The following ROBO2 variants were observed in gnomAD, a reference collection of about 807,000 sequenced individuals.
ROBO2 encodes the protein roundabout homolog 2.
ROBO2 carries 53 observed loss-of-function variants against 160.8 expected under a neutral mutation model. The ratio of observed to expected loss-of-function variants is 0.33; its 90% confidence interval spans 0.26 to 0.41. The LOEUF (loss-of-function observed/expected upper bound fraction) is 0.41. Ranked by LOEUF, ROBO2 falls within the 10% of genes least tolerant of loss-of-function variation. The pLI, the probability that ROBO2 is intolerant of heterozygous loss-of-function variation, is 1.00. For missense variants in ROBO2, 1,577 were observed against 1,722.4 expected (o/e 0.92, Z 1.49); for synonymous variants, 664 against 611.7 (o/e 1.09, Z -1.26).
intron 2 of ROBO2, among the ~76,000 whole-genome samples, chr3:77,285,742 A>G (rs369041316): frequency 1.2e-4 from 18 of 152,282 alleles, no homozygotes; most frequent in African/African-American, 4.3e-4. Context: ...CTTTTCCTAA[A>G]CTATGCACAT....
At chr3:76,758,569 A>G (rs748382868) in intron 2 of ROBO2, among the ~76,000 whole-genome samples, 18 of 151,818 alleles carry the variant, frequency 1.2e-4, no homozygotes, top group Non-Finnish European at 1.9e-4. Context: ...AAATTTCCCA[A>G]GGAGCTGAAA....
intron 1 of ROBO2, among the ~76,000 whole-genome samples, chr3:77,043,115 C>T (rs181174689): frequency 6.6e-6 from 1 of 152,304 alleles, no homozygotes; most frequent in Admixed American, 6.5e-5. Context: ...GAGAACACTG[C>T]CCTCTAGGCT....
chr3:77,269,943 A>G (rs1365481774), intron 2 of ROBO2, among the ~76,000 whole-genome samples: 3 of 152,202 alleles, frequency 2.0e-5, no homozygotes, highest in African/African-American at 7.2e-5. Flanking sequence ...AAAGCCCTCT[A>G]ATTAAAATAG....
At chr3:76,272,811 A>AAAATAT (rs1184787771) in intron 2 of ROBO2, among the ~76,000 whole-genome samples, 3 of 9,650 alleles carry the variant, frequency 3.1e-4, no homozygotes, top group Non-Finnish European at 6.1e-4. Flanking sequence ...TAAAATATAT[A>AAAATAT]ATATGTATTT....
chr3:76,509,051 T>C (rs1376312806), intron 2 of ROBO2, among the ~76,000 whole-genome samples: 2 of 152,192 alleles, frequency 1.3e-5, no homozygotes, highest in Non-Finnish European at 2.9e-5. Context: ...ATATAGTGAA[T>C]TGGGTTTGGG....
intron 2 of ROBO2, among the ~76,000 whole-genome samples, chr3:76,510,061 A>C (rs1262251605): frequency 6.6e-6 from 1 of 152,172 alleles, no homozygotes; most frequent in Non-Finnish European, 1.5e-5. Flanking sequence ...AAAGGGTAAT[A>C]AAATGGCACA....
At chr3:77,395,235 C>A (rs1489683093) in intron 2 of ROBO2, among the ~76,000 whole-genome samples, 1 of 152,100 alleles carries the variant, frequency 6.6e-6, no homozygotes, top group Non-Finnish European at 1.5e-5. Flanking sequence ...TTTTTAATTT[C>A]TCCTGCTTCA....
intron 5 of ROBO2, among the ~76,000 whole-genome samples, chr3:77,521,898 C>A (rs2090634030): frequency 6.6e-6 from 1 of 151,118 alleles, no homozygotes; most frequent in Non-Finnish European, 1.5e-5. Context: ...TATTTGGAAA[C>A]ATGGATCTAA....
At chr3:76,509,493 C>T (rs377119576) in intron 2 of ROBO2, among the ~76,000 whole-genome samples, 1 of 151,968 alleles carries the variant, frequency 6.6e-6, no homozygotes, top group Non-Finnish European at 1.5e-5. Context: ...CACCCTTGGT[C>T]GAATTTTTAC....
At chr3:76,412,974 A>G in intron 2 of ROBO2, among the ~76,000 whole-genome samples, 1 of 152,180 alleles carries the variant, frequency 6.6e-6, no homozygotes, top group Non-Finnish European at 1.5e-5. Flanking sequence ...AGGTGTTGCC[A>G]TACATCTGAA....
At chr3:76,394,149 G>C (rs947754222) in intron 2 of ROBO2, among the ~76,000 whole-genome samples, 3 of 152,060 alleles carry the variant, frequency 2.0e-5, no homozygotes, top group African/African-American at 7.2e-5. Flanking sequence ...ATTGTTATGT[G>C]TGAATTTGAT....
intron 2 of ROBO2, among the ~76,000 whole-genome samples, chr3:76,495,139 C>T (rs1335997965): frequency 4.0e-5 from 6 of 151,752 alleles, no homozygotes; most frequent in Non-Finnish European, 5.9e-5. Context: ...ACAAATATAG[C>T]CTATGGAATC....
chr3:76,865,841 T>G (rs1027636327), intron 2 of ROBO2, among the ~76,000 whole-genome samples: 27 of 152,132 alleles, frequency 1.8e-4, no homozygotes, highest in African/African-American at 6.3e-4. Flanking sequence ...TATTACGTTT[T>G]GAATTAAGAG....
intron 2 of ROBO2, among the ~76,000 whole-genome samples, chr3:77,254,754 T>C (rs537227502): frequency 6.6e-6 from 1 of 152,338 alleles, no homozygotes; most frequent in South Asian, 2.1e-4. Flanking sequence ...TCACTTACTT[T>C]TATTTAACCA....
chr3:76,728,340 A>G (rs1817024), intron 2 of ROBO2, among the ~76,000 whole-genome samples: 44,328 of 152,054 alleles, frequency 0.29, 7,865 homozygotes, highest in African/African-American at 0.5. Flanking sequence ...AGTTTGTTTT[A>G]TGGTTAATTA....
At chr3:77,602,220 A>G (rs1458079498) in exon 20 of ROBO2, 1 of 1,614,136 alleles carries the variant, frequency 6.2e-7, no homozygotes, top group African/African-American at 1.3e-5. Flanking sequence ...ATGTGCTGCC[A>G]CCAGTTCCAG....
intron 2 of ROBO2, among the ~76,000 whole-genome samples, chr3:76,692,242 A>C (rs1044972534): frequency 1.3e-5 from 2 of 152,202 alleles, no homozygotes; most frequent in Admixed American, 6.6e-5. Context: ...CACTCTGGCC[A>C]TAGTCATTTC....
rs201063990 is a variant in ROBO2 at position 76,825,603 on chromosome 3, C to CAAA, written c.110-272384_110-272382dup. ...GAGTCTACCCTTTCATCATCTTAGC[C>CAAA]AAAAAAAAAAAAAAAAAAAAAAAAA... On this transcript the variant is annotated intron_variant, in intron 2 of 26. Coordinates refer to the ROBO2 transcript ENST00000487694. 8.1e-3 allele frequency among the ~76,000 whole-genome samples: 584 copies of CAAA among 72,422 alleles called. 37 individuals are homozygous for CAAA. The highest frequency in any genetic ancestry group is 0.053 in the East Asian group (105 of 1,990). 47.5% of individuals were successfully genotyped at this position (72,422 alleles called of 152,430 possible).
At chr3:77,416,967 C>T (rs1203479760) in intron 2 of ROBO2, among the ~76,000 whole-genome samples, 2 of 152,038 alleles carry the variant, frequency 1.3e-5, no homozygotes, top group African/African-American at 4.8e-5. Flanking sequence ...GGTGAGCAAG[C>T]ATAATGAGTT....
Sources: allele counts gnomAD v4.1 joint callset (sites outside exome capture counted in the v4.1 genomes callset), GRCh38; gene constraint gnomAD v4.1.1; transcripts MANE v1.5; gene names NCBI Gene and HGNC (gene_info 2026-07-23, HGNC 2026-07-21).